Variants in LIPC observed in about 807,000 individuals in gnomAD.
The protein encoded by LIPC is lipase C, hepatic type.
Under a neutral mutation model 50.7 loss-of-function variants are expected in LIPC, and 44 were observed. The observed-to-expected ratio is 0.87, with a 90% confidence interval of 0.68 to 1.11. The LOEUF (loss-of-function observed/expected upper bound fraction) is 1.11. LIPC is among the 50% of genes most tolerant of loss of function. The probability of loss-of-function intolerance (pLI) is 0.00; values close to 1 mark genes in which losing one functional copy is unlikely to be tolerated. For synonymous variants in LIPC, 271 were observed against 256.4 expected, an observed-to-expected ratio of 1.06 and a Z score of -0.54; for missense variants, 697 against 648.2, an observed-to-expected ratio of 1.08 and a Z score of -0.82.
intron 1 of LIPC, among the ~76,000 whole-genome samples, chr15:58,499,584 G>A (rs754934881): frequency 6.6e-5 from 10 of 152,080 alleles, no homozygotes; most frequent in Admixed American, 4.6e-4. Context: ...GTCAGCCACC[G>A]AACCCTATAA....
At chr15:58,456,069 G>A (rs1408536329) in intron 1 of LIPC, 1 of 152,208 alleles carries the variant, frequency 6.6e-6, no homozygotes, top group Non-Finnish European at 1.5e-5. Context: ...GAGCCGTAAA[G>A]CATGGTAGGA....
rs114390154 is a variant in LIPC at position 58,518,994 on chromosome 15, T to C, written c.89-19339T>C. 4.7e-3 allele frequency among the ~76,000 whole-genome samples: 721 copies of C among 151,856 alleles called. 5 individuals are homozygous for C. Among genetic ancestry groups the C allele is most frequent in the African/African-American group, 0.017 (690 of 41,392 alleles). On this transcript the variant is annotated intron_variant, in intron 1 of 8. Coordinates refer to ENST00000299022, the MANE Select transcript of LIPC (RefSeq NM_000236.3). ...AAAGAATGTTGACTCTAGAACCAAA[T>C]TGTCTAAGTTTCATCCCTGACGATG...
intron 1 of LIPC, among the ~76,000 whole-genome samples, chr15:58,532,611 A>G (rs1442222691): frequency 6.6e-6 from 1 of 152,212 alleles, no homozygotes; most frequent in African/African-American, 2.4e-5. Context: ...TTTCTTATGC[A>G]CTTGTGTGCC....
intron 1 of LIPC, among the ~76,000 whole-genome samples, chr15:58,480,530 A>C (rs1891151152): frequency 6.6e-6 from 1 of 152,026 alleles, no homozygotes; most frequent in African/African-American, 2.4e-5. Context: ...CCTGACCTCA[A>C]GTGATCCGCC....
intron 1 of LIPC, among the ~76,000 whole-genome samples, chr15:58,462,587 C>T (rs1894391297): frequency 6.6e-6 from 1 of 152,216 alleles, no homozygotes; most frequent in African/African-American, 2.4e-5. Flanking sequence ...TAAATGTCCC[C>T]TCTCCTGCTC....
chr15:58,555,610 T>G (rs1278138123), intron 6 of LIPC, among the ~76,000 whole-genome samples: 1 of 152,194 alleles, frequency 6.6e-6, no homozygotes, highest in Non-Finnish European at 1.5e-5. Flanking sequence ...ATTAACACTG[T>G]GTCGGTCTAG....
At chr15:58,552,858 C>T (rs1334909684) in intron 6 of LIPC, among the ~76,000 whole-genome samples, 1 of 152,162 alleles carries the variant, frequency 6.6e-6, no homozygotes, top group Non-Finnish European at 1.5e-5. Flanking sequence ...AATGACAAAA[C>T]CTATGTGGGC....
intron 1 of LIPC, among the ~76,000 whole-genome samples, chr15:58,471,132 CTCT>C (rs1302012798): frequency 1.5e-5 from 2 of 135,744 alleles, no homozygotes; most frequent in Non-Finnish European, 3.2e-5. Context: ...TTTTTCTTTT[CTCT>C]TTTTTTTTTT....
At chr15:58,465,170 G>C (rs35083042) in intron 1 of LIPC, among the ~76,000 whole-genome samples, 26,542 of 152,078 alleles carry the variant, frequency 0.17, 2,395 homozygotes, top group African/African-American at 0.24. Context: ...AGAAGATTCT[G>C]TGTCAAGTGC....
At chr15:58,507,728 C>T (rs527567052) in intron 1 of LIPC, among the ~76,000 whole-genome samples, 2 of 152,322 alleles carry the variant, frequency 1.3e-5, no homozygotes, top group East Asian at 3.9e-4. Context: ...CCTCTGAAAG[C>T]TCACTGAAAA....
intron 1 of LIPC, among the ~76,000 whole-genome samples, chr15:58,528,641 A>T (rs1892860503): frequency 2.0e-5 from 3 of 152,250 alleles, no homozygotes; most frequent in Middle Eastern, 6.8e-3. Context: ...AGTAGCTGGG[A>T]CTACAGGCAC....
intron 6 of LIPC, among the ~76,000 whole-genome samples, chr15:58,552,040 C>T (rs899667774): frequency 1.3e-5 from 2 of 152,206 alleles, no homozygotes; most frequent in East Asian, 3.9e-4. Context: ...CACAAGGAAC[C>T]TTTACCAGTT....
At position 58,494,719 on chromosome 15, in the gene LIPC, T is replaced by C. The variant is rs1891706865; in HGVS notation, c.89-43614T>C. On this transcript the variant is annotated intron_variant, in intron 1 of 8. Transcript: ENST00000299022. Reference sequence around the variant, plus strand: ...TAATGAAGTTTTGCAAAATACAGCTTGGGTGGGATCTCTTTAATGACCTGT... The same window carrying C: ...TAATGAAGTTTTGCAAAATACAGCTCGGGTGGGATCTCTTTAATGACCTGT... The C allele has an allele frequency of 7.7e-5, 35 of 453,082 alleles. 1 individual carries two copies. Among genetic ancestry groups the C allele is most frequent in the South Asian group, 5.5e-4 (35 of 63,968 alleles). 28.1% of individuals were successfully genotyped at this position (453,082 alleles called of 1,614,324 possible). A position where few individuals can be genotyped will look rare whatever the true frequency, so the allele number is the denominator to read the frequency against.
At chr15:58,508,243 G>A (rs547675296) in intron 1 of LIPC, among the ~76,000 whole-genome samples, 1 of 152,018 alleles carries the variant, frequency 6.6e-6, no homozygotes, top group Non-Finnish European at 1.5e-5. Context: ...GCCAAGGGTG[G>A]GGGGTAGGGA....
chr15:58,437,770 A>G (rs1243840475), intron 1 of LIPC, among the ~76,000 whole-genome samples: 1 of 152,208 alleles, frequency 6.6e-6, no homozygotes, highest in Non-Finnish European at 1.5e-5. Flanking sequence ...TCCGGAGATG[A>G]AACTCATTCT....
chr15:58,482,220 G>A (rs1891212210), intron 1 of LIPC, among the ~76,000 whole-genome samples: 1 of 152,172 alleles, frequency 6.6e-6, no homozygotes, highest in African/African-American at 2.4e-5. Context: ...CCAGTTTCCA[G>A]CCTAGAGACA....
intron 1 of LIPC, among the ~76,000 whole-genome samples, chr15:58,516,167 T>G (rs1303975843): frequency 1.3e-5 from 2 of 152,074 alleles, no homozygotes; most frequent in Non-Finnish European, 2.9e-5. Flanking sequence ...AGGCCTCGTT[T>G]CTGGGAAGAC....
chr15:58,434,457 T>A (rs1893224349), intron 1 of LIPC, among the ~76,000 whole-genome samples: 1 of 152,234 alleles, frequency 6.6e-6, no homozygotes, highest in South Asian at 2.1e-4. Context: ...GGCAGTTAAG[T>A]GCCTTGCCGG....
intron 1 of LIPC, among the ~76,000 whole-genome samples, chr15:58,523,985 A>G (rs117468921): frequency 6.6e-6 from 1 of 152,350 alleles, no homozygotes; most frequent in East Asian, 1.9e-4. Flanking sequence ...AAATACTAAC[A>G]TGGCTCAGAA....
Sources: allele counts gnomAD v4.1 joint callset (sites outside exome capture counted in the v4.1 genomes callset), GRCh38; gene constraint gnomAD v4.1.1; transcripts MANE v1.5; gene names NCBI Gene and HGNC (gene_info 2026-07-23, HGNC 2026-07-21).